Variants in TMEM67 observed in about 807,000 individuals in gnomAD.
TMEM67 encodes transmembrane protein 67, also known as meckelin.
A neutral mutation model predicts 136.6 loss-of-function variants in TMEM67; 124 were observed. The observed-to-expected ratio is 0.91, with a 90% CI of 0.78 to 1.05. The LOEUF is 1.05. Ranked by LOEUF, TMEM67 falls within the 50% of genes least tolerant of loss-of-function variation. The pLI is 0.00. For synonymous variants in TMEM67, 364 were observed against 390.5 expected (o/e 0.93, Z 0.80); for missense variants, 1,107 against 1,178.4 (o/e 0.94, Z 0.89).
At chr8:93,811,007 C>T (rs1378645573) in intron 26 of TMEM67, among the ~76,000 whole-genome samples, 1 of 152,128 alleles carries the variant, frequency 6.6e-6, no homozygotes, top group East Asian at 1.9e-4. Context: ...AGTGGTATAA[C>T]CAGTGCCCTG....
At chr8:93,827,509 T>A in the TMEM67 span, among the ~76,000 whole-genome samples, 2 of 151,880 alleles carry the variant, frequency 1.3e-5, no homozygotes, top group Non-Finnish European at 2.9e-5. Context: ...GCGATCCTCC[T>A]GCCTCAGCCT....
intron 21 of TMEM67, 124 bp downstream of exon 21, chr8:93,799,882 G>A: frequency 7.6e-6 from 5 of 661,076 alleles, no homozygotes; most frequent in East Asian, 3.1e-5. Flanking sequence ...AAGGTGACAA[G>A]AACAATAGCT....
chr8:93,773,600 G>A (rs1443563191), intron 7 of TMEM67, among the ~76,000 whole-genome samples: 2 of 152,148 alleles, frequency 1.3e-5, no homozygotes, highest in East Asian at 1.9e-4. Flanking sequence ...AGCTGGATAA[G>A]GGGCAAGAGA....
At chr8:93,783,617 T>A (rs1232510763) in intron 11 of TMEM67, among the ~76,000 whole-genome samples, 1 of 152,194 alleles carries the variant, frequency 6.6e-6, no homozygotes, top group Non-Finnish European at 1.5e-5. Context: ...TAGTCCGTTC[T>A]CACGCTGCTA....
the TMEM67 span, among the ~76,000 whole-genome samples, chr8:93,827,193 A>C: frequency 6.6e-6 from 1 of 152,214 alleles, no homozygotes; most frequent in Non-Finnish European, 1.5e-5. Flanking sequence ...AATTTATAAA[A>C]AGTACATCAG....
Position 93,755,036 on chromosome 8 carries a change from T to C in TMEM67, c.122T>C (p.Phe41Ser). The C allele has an allele frequency of 6.2e-7, 1 of 1,614,164 alleles. No individual in the cohort carries two copies. The highest frequency in any genetic ancestry group is 8.5e-7 in the Non-Finnish European group (1 of 1,180,026). Residue 41 changes from phenylalanine (F) to serine (S), a missense_variant, in exon 1 of 28, where the codon TTC (phenylalanine) becomes TCC (serine). Coordinates refer to ENST00000453321, the MANE Select transcript of TMEM67 (RefSeq NM_153704.6). ...PRFLQAQTFS[F>S]PFQQPEKCDN... Reference sequence around the variant, plus strand: ...TTCTTACAGGCCCAGACCTTCTCTTTCCCTTTCCAGCAGCCGGAGAAGTGC... The same window carrying C: ...TTCTTACAGGCCCAGACCTTCTCTTCCCCTTTCCAGCAGCCGGAGAAGTGC...
intron 14 of TMEM67, among the ~76,000 whole-genome samples, chr8:93,788,968 G>T (rs1350026376): frequency 6.6e-6 from 1 of 152,148 alleles, no homozygotes; most frequent in African/African-American, 2.4e-5. Flanking sequence ...TTGAGGAGGG[G>T]TAAATGAGAG....
chr8:93,758,673 T>C, intron 3 of TMEM67, 97 bp downstream of exon 3: 2 of 1,050,920 alleles, frequency 1.9e-6, no homozygotes, highest in Non-Finnish European at 2.9e-6. Flanking sequence ...GTTAAGTGAT[T>C]ACTTAATATT....
At position 93,789,906 on chromosome 8, in the gene TMEM67, T is replaced by C. The variant is rs1157304715; in HGVS notation, c.1519-1357T>C. Among the ~76,000 whole-genome samples the C allele has an allele frequency of 3.3e-5, 5 of 151,012 alleles. No individual in the cohort carries two copies. In the South Asian group the frequency reaches 8.3e-4, roughly 25 times the overall value. ...GCCAACACGGTGAAACCCTGTCTGC[T>C]AAAAATACAACAACAAAAAAAATTA... On this transcript the variant is annotated intron_variant, in intron 14 of 27. Transcript: ENST00000453321.
intron 13 of TMEM67, among the ~76,000 whole-genome samples, chr8:93,787,046 T>C (rs1332663450): frequency 6.6e-6 from 1 of 152,206 alleles, no homozygotes; most frequent in Non-Finnish European, 1.5e-5. Flanking sequence ...TACTGTCTTT[T>C]CAGCATTTCT....
intron 11 of TMEM67, among the ~76,000 whole-genome samples, chr8:93,784,873 T>C (rs537062441): frequency 1.3e-5 from 2 of 152,344 alleles, no homozygotes; most frequent in South Asian, 4.1e-4. Flanking sequence ...ATTTATCCCG[T>C]AGGACAGTAG....
At chr8:93,792,643 A>AT (rs1346193351) in intron 15 of TMEM67, among the ~76,000 whole-genome samples, 1 of 151,932 alleles carries the variant, frequency 6.6e-6, no homozygotes. Context: ...TCAATTATTT[A>AT]TTTTTAAATC....
downstream of TMEM67, among the ~76,000 whole-genome samples, chr8:93,818,785 G>A (rs1808990236): frequency 6.6e-6 from 1 of 152,076 alleles, no homozygotes; most frequent in South Asian, 2.1e-4. Context: ...GTAAGGATTA[G>A]TTTCGTGGGT....
intron 21 of TMEM67, among the ~76,000 whole-genome samples, chr8:93,802,018 A>C (rs1814892686): frequency 6.6e-6 from 1 of 152,244 alleles, no homozygotes; most frequent in African/African-American, 2.4e-5. Flanking sequence ...AAGCAATATC[A>C]TCTGAAGCTT....
rs1338491382 is a variant in TMEM67, at chr8:93,814,424, T to C, written c.2765-881T>C. Among the ~76,000 whole-genome samples, 10 of 151,246 alleles carry C rather than the reference T, an allele frequency of 6.6e-5. No individual in the cohort carries two copies. The South Asian group carries it at 8.3e-4, about 13-fold the overall frequency. ...AAGTTTATGTATACTTTTTTTTTTT[T>C]TTTCCTAATGGAAAGATCTATAGCT... On this transcript the variant is annotated intron_variant, in intron 26 of 27. Transcript: ENST00000453321.
intron 3 of TMEM67, 42 bp downstream of exon 3, chr8:93,758,618 C>T: frequency 6.8e-7 from 1 of 1,476,256 alleles, no homozygotes; most frequent in Non-Finnish European, 9.5e-7. Context: ...GATAAATCTT[C>T]ATTCTTGTTT....
In TMEM67 at chr8:93,800,850, A is replaced by G. The variant is rs548673110; in HGVS notation, c.2241+1092A>G. ...TAAATATGTTCTTTTCTTTTGAAAC[A>G]TAACTTATTGTTTACATTTATTTAT... On this transcript the variant is annotated intron_variant, in intron 21 of 27. Transcript: ENST00000453321. Among the ~76,000 whole-genome samples, 4 of 152,344 alleles carry G rather than the reference A, an allele frequency of 2.6e-5. No homozygotes were observed. The South Asian group carries it at 8.3e-4, about 32-fold the overall frequency.
intron 26 of TMEM67, among the ~76,000 whole-genome samples, chr8:93,814,877 C>T (rs1052393997): frequency 5.9e-5 from 9 of 152,050 alleles, no homozygotes; most frequent in African/African-American, 1.7e-4. Context: ...AAAACCTCAG[C>T]GGGACTATTT....
At chr8:93,832,488 A>T in the TMEM67 span, among the ~76,000 whole-genome samples, 1 of 151,856 alleles carries the variant, frequency 6.6e-6, no homozygotes, top group Non-Finnish European at 1.5e-5. Flanking sequence ...TAATCAAAAG[A>T]CCCCTCTAGG....
Sources: allele counts gnomAD v4.1 joint callset (sites outside exome capture counted in the v4.1 genomes callset), GRCh38; gene constraint gnomAD v4.1.1; transcripts MANE v1.5; gene names NCBI Gene and HGNC (gene_info 2026-07-23, HGNC 2026-07-21).